Variants in ASB18 observed in about 807,000 individuals in gnomAD.
The protein encoded by ASB18 is ankyrin repeat and SOCS box containing 18.
Under a neutral mutation model 33.4 loss-of-function variants are expected in ASB18, and 33 were observed. That is an observed-to-expected ratio of 0.99 (90% CI 0.75 to 1.32). The LOEUF is 1.32. Ranked by LOEUF, ASB18 falls within the 40% of genes most tolerant of loss-of-function variation. ASB18 has a pLI of 0.00. For missense variants in ASB18, 694 were observed against 655.5 expected, an observed-to-expected ratio of 1.06 and a Z score of -0.64; for synonymous variants, 295 against 307.6, an observed-to-expected ratio of 0.96 and a Z score of 0.43.
rs190955207 is a variant in ASB18, at chr2:236,251,271, C to T, written c.206-9869G>A. On this transcript the variant is annotated intron_variant, in intron 1 of 5. Coordinates refer to ENST00000409749, the MANE Select transcript of ASB18 (RefSeq NM_212556.4). The surrounding 1 kb of genome is among the most constrained non-coding windows in gnomAD (Gnocchi z 5.3). ...CAAAACACAGCGGCCCAATCCTCAG[C>T]GTGCACAACCACGAGTAAATAGCCC... Among the ~76,000 whole-genome samples, 1 of 152,286 alleles carries T rather than the reference C, an allele frequency of 6.6e-6. No homozygotes were observed. The highest frequency in any genetic ancestry group is 6.5e-5 in the Admixed American group (1 of 15,290).
rs372151498 is a variant in ASB18 at position 236,264,354 on chromosome 2, C to T, written c.-9G>A. ...TAATCCGAGTTGGACATTGTTACGT[C>T]GTTTCTGCAGTGACCAGCCCTTCTT... On this transcript the variant is annotated 5_prime_UTR_variant, in exon 1 of 6. Coordinates refer to ENST00000409749, the MANE Select transcript of ASB18 (RefSeq NM_212556.4). This position sits in a 1 kb window ranked among gnomAD's most constrained non-coding sequence, Gnocchi z 5.1. 57 of 1,612,136 alleles carry T rather than the reference C, an allele frequency of 3.5e-5. No individual in the cohort carries two copies. Among genetic ancestry groups the T allele is most frequent in the Non-Finnish European group, 4.7e-5 (55 of 1,178,750 alleles).
chr2:236,236,395 C>T (rs1167151979), intron 3 of ASB18, among the ~76,000 whole-genome samples: 1 of 152,126 alleles, frequency 6.6e-6, no homozygotes, highest in Non-Finnish European at 1.5e-5. Context: ...GGAGGGAGAA[C>T]CGTGGGCACC....
rs1049919590 is a variant in ASB18 at position 236,234,114 on chromosome 2, T to A, written c.596+3575A>T. 6.6e-6 allele frequency among the ~76,000 whole-genome samples: 1 copy of A among 152,258 alleles called. No individual in the cohort carries two copies. Among genetic ancestry groups the A allele is most frequent in the Non-Finnish European group, 1.5e-5 (1 of 68,044 alleles). On this transcript the variant is annotated intron_variant, in intron 3 of 5. Coordinates refer to ENST00000409749, the MANE Select transcript of ASB18 (RefSeq NM_212556.4). The surrounding 1 kb of genome is among the most constrained non-coding windows in gnomAD (Gnocchi z 4.1). ...CTCTGCCATGGCACCTTGGTGACCC[T>A]GCACATATCCACATAGGCCACAAAG...
Position 236,194,639 on chromosome 2 carries a change from G to A in ASB18, c.*233C>T, listed in dbSNP as rs1441398216. Among the ~76,000 whole-genome samples, 2 of 152,168 alleles carry A rather than the reference G, an allele frequency of 1.3e-5. No homozygotes were observed. The highest frequency in any genetic ancestry group is 2.9e-5 in the Non-Finnish European group (2 of 68,040). Reference sequence around the variant, plus strand: ...CCAGACCAAGTGCTGTGATAGTCACGATTTCACTGGATTTTCACAAGCGAC... The same window carrying A: ...CCAGACCAAGTGCTGTGATAGTCACAATTTCACTGGATTTTCACAAGCGAC... On this transcript the variant is annotated 3_prime_UTR_variant, in exon 6 of 6. Coordinates refer to ENST00000409749, the MANE Select transcript of ASB18 (RefSeq NM_212556.4). This position sits in a 1 kb window ranked among gnomAD's most constrained non-coding sequence, Gnocchi z 4.5.
At position 236,215,117 on chromosome 2, in the gene ASB18, A is replaced by G. The variant is rs2060482064; in HGVS notation, c.597-251T>C. Among the ~76,000 whole-genome samples the G allele has an allele frequency of 1.3e-5, 2 of 152,036 alleles. No homozygotes were observed. Among genetic ancestry groups the G allele is most frequent in the Non-Finnish European group, 2.9e-5 (2 of 68,016 alleles). ...ATAAGAATCCACGTGCAGAGTTACAATTTATAAGGAAATTTTAACTGCTTG... is the reference window on the plus strand; with the variant it reads ...ATAAGAATCCACGTGCAGAGTTACAGTTTATAAGGAAATTTTAACTGCTTG... On this transcript the variant is annotated intron_variant, in intron 3 of 5. Transcript: ENST00000409749. The surrounding 1 kb of genome is among the most constrained non-coding windows in gnomAD (Gnocchi z 7.2).
chr2:236,214,748 G>A lies in ASB18; in HGVS notation c.715C>T (p.Leu239=), dbSNP rs2060478101. The A allele has an allele frequency of 1.3e-5, 15 of 1,173,090 alleles. No individual in the cohort carries two copies. Among genetic ancestry groups the A allele is most frequent in the Non-Finnish European group, 1.6e-5 (15 of 950,972 alleles). The allele number at this position is 1,173,090 out of a possible 1,614,324, so 72.7% of individuals were successfully genotyped here. A position where few individuals can be genotyped will look rare whatever the true frequency, so the allele number is the denominator to read the frequency against. The change falls in exon 4 of 6, where the codon CTG becomes TTG. Residue 239 remains leucine (L), a synonymous_variant. Coordinates refer to ENST00000409749, the MANE Select transcript of ASB18 (RefSeq NM_212556.4). The surrounding 1 kb of genome is among the most constrained non-coding windows in gnomAD (Gnocchi z 6.5). ...GCGTCCACGTGCGCCCCGCGGCCCA[G>A]GTACAGGCGCGCGTGCTCGTCCAGG... is the stretch of plus-strand genomic sequence containing the variant. ...RGLDEHARLY[L]GRGAHVDARN...
At position 236,221,793 on chromosome 2, in the gene ASB18, G is replaced by A. The variant is rs2060514088; in HGVS notation, c.597-6927C>T. Among the ~76,000 whole-genome samples the A allele has an allele frequency of 6.6e-6, 1 of 152,166 alleles. No individual in the cohort carries two copies. The highest frequency in any genetic ancestry group is 1.5e-5 in the Non-Finnish European group (1 of 68,036). ...GAATCCCTTCTGACAGACAGAAGGGGTTGAGCACTACACAGTGTGTTCAGT... is the reference window on the plus strand; with the variant it reads ...GAATCCCTTCTGACAGACAGAAGGGATTGAGCACTACACAGTGTGTTCAGT... On this transcript the variant is annotated intron_variant, in intron 3 of 5. Transcript: ENST00000409749. This position sits in a 1 kb window ranked among gnomAD's most constrained non-coding sequence, Gnocchi z 5.6.
chr2:236,217,702 T>C lies in ASB18; in HGVS notation c.597-2836A>G, dbSNP rs1205057571. On this transcript the variant is annotated intron_variant, in intron 3 of 5. Transcript: ENST00000409749. The surrounding 1 kb of genome is among the most constrained non-coding windows in gnomAD (Gnocchi z 5.2). Reference sequence around the variant, plus strand: ...TATATTTTTACCTAGAGGCTCTCAGTATTTTAAATTCTCCCTTTGGATTGT... The same window carrying C: ...TATATTTTTACCTAGAGGCTCTCAGCATTTTAAATTCTCCCTTTGGATTGT... Among the ~76,000 whole-genome samples the C allele has an allele frequency of 6.6e-6, 1 of 152,220 alleles. No individual in the cohort carries two copies. The highest frequency in any genetic ancestry group is 1.9e-4 in the East Asian group (1 of 5,198).
chr2:236,237,272 C>G lies in ASB18; in HGVS notation c.596+417G>C, dbSNP rs900778634. Among the ~76,000 whole-genome samples the G allele has an allele frequency of 2.0e-5, 3 of 151,920 alleles. No individual in the cohort carries two copies. Among genetic ancestry groups the G allele is most frequent in the African/African-American group, 4.8e-5 (2 of 41,430 alleles). On this transcript the variant is annotated intron_variant, in intron 3 of 5. Coordinates refer to ENST00000409749, the MANE Select transcript of ASB18 (RefSeq NM_212556.4). The surrounding 1 kb of genome is among the most constrained non-coding windows in gnomAD (Gnocchi z 6.2). ...GCGCCGGCGGCTGGGCTGTGATCAC[C>G]GCGCTCATTACCTCGGCGTGGCGCC...
chr2:236,240,078 A>T (rs964766580), intron 2 of ASB18, among the ~76,000 whole-genome samples: 6 of 152,230 alleles, frequency 3.9e-5, no homozygotes, highest in Non-Finnish European at 7.3e-5. Context: ...GGAAGGAGGA[A>T]ACTGATTTTG....
chr2:236,241,211 C>T lies in ASB18; in HGVS notation c.328+69G>A, dbSNP rs767846332. ...ACTGTGCCCAGTCTACACACGGGAG[C>T]CTTACACTCCCAGAGAGTATTAGTA... On this transcript the variant is annotated intron_variant, in intron 2 of 5. Transcript: ENST00000409749. This position sits in a 1 kb window ranked among gnomAD's most constrained non-coding sequence, Gnocchi z 4.2. 1 of 1,487,474 alleles carries T rather than the reference C, an allele frequency of 6.7e-7. No individual in the cohort carries two copies. The highest frequency in any genetic ancestry group is 1.4e-5 in the African/African-American group (1 of 72,510). 92.1% of individuals were successfully genotyped at this position (1,487,474 alleles called of 1,614,324 possible).
chr2:236,202,953 T>C (rs2060412638), intron 4 of ASB18, among the ~76,000 whole-genome samples: 1 of 151,960 alleles, frequency 6.6e-6, no homozygotes, highest in Admixed American at 6.6e-5. Context: ...TAGTTCCAGG[T>C]TGTCATTATT....
At chr2:236,210,455 C>G (rs567305426) in intron 4 of ASB18, 1 of 152,288 alleles carries the variant, frequency 6.6e-6, no homozygotes, top group Non-Finnish European at 1.5e-5. Flanking sequence ...TCTGGGAAAA[C>G]CGTGCGGGTC....
At position 236,251,570 on chromosome 2, in the gene ASB18, C is replaced by G. The variant is rs1193557148; in HGVS notation, c.206-10168G>C. Among the ~76,000 whole-genome samples the G allele has an allele frequency of 6.6e-6, 1 of 152,116 alleles. No individual in the cohort carries two copies. The highest frequency in any genetic ancestry group is 1.5e-5 in the Non-Finnish European group (1 of 68,030). ...ATCCCTTCTAGAAACGAGAAGTTTA[C>G]CTATCCTGAAGTTGAGAAGGGTGGT... On this transcript the variant is annotated intron_variant, in intron 1 of 5. Coordinates refer to ENST00000409749, the MANE Select transcript of ASB18 (RefSeq NM_212556.4). This position sits in a 1 kb window ranked among gnomAD's most constrained non-coding sequence, Gnocchi z 5.3.
At chr2:236,197,101 G>T (rs536877412) in intron 4 of ASB18, among the ~76,000 whole-genome samples, 142 of 151,844 alleles carry the variant, frequency 9.4e-4, no homozygotes, top group African/African-American at 3.4e-3. Flanking sequence ...GGTTGATCCT[G>T]CCCATCCACT....
At position 236,241,252 on chromosome 2, in the gene ASB18, ATGAC is replaced by A. The variant is rs1218031153; in HGVS notation, c.328+24_328+27del. Reference sequence around the variant, plus strand: ...AGTATTAGTAGCCCCTTAAAAATAAATGACTGAGCTTTAAAGAACAAGGGTACCT... The same window carrying A: ...AGTATTAGTAGCCCCTTAAAAATAAATGAGCTTTAAAGAACAAGGGTACCT... On this transcript the variant is annotated intron_variant, in intron 2 of 5. Coordinates refer to ENST00000409749, the MANE Select transcript of ASB18 (RefSeq NM_212556.4). The surrounding 1 kb of genome is among the most constrained non-coding windows in gnomAD (Gnocchi z 4.2). The A allele has an allele frequency of 1.2e-6, 2 of 1,611,760 alleles. No individual in the cohort carries two copies.
rs2060622353 is a variant in ASB18 at position 236,241,793 on chromosome 2, T to A, written c.206-391A>T. Among the ~76,000 whole-genome samples the A allele has an allele frequency of 6.6e-6, 1 of 152,102 alleles. No individual in the cohort carries two copies. Among genetic ancestry groups the A allele is most frequent in the African/African-American group, 2.4e-5 (1 of 41,416 alleles). ...CACATCTGGATAGCTCCAAAGCAGC[T>A]CTCCATGCACCGAGGGCAGACTCCC... On this transcript the variant is annotated intron_variant, in intron 1 of 5. Coordinates refer to ENST00000409749, the MANE Select transcript of ASB18 (RefSeq NM_212556.4). The surrounding 1 kb of genome is among the most constrained non-coding windows in gnomAD (Gnocchi z 4.2).
Position 236,242,129 on chromosome 2 carries a change from A to T in ASB18, c.206-727T>A, listed in dbSNP as rs576108139. Among the ~76,000 whole-genome samples, 33 of 152,322 alleles carry T rather than the reference A, an allele frequency of 2.2e-4. No individual in the cohort carries two copies. The South Asian group carries it at 5.0e-3, about 23-fold the overall frequency. On this transcript the variant is annotated intron_variant, in intron 1 of 5. Transcript: ENST00000409749. ...TTTCTTTACTCCCAATAACAACCAC[A>T]TGAAGGAAATAGCATGGCCACGGCC...
At position 236,196,091 on chromosome 2, in the gene ASB18, G is replaced by A; in HGVS notation, c.1215+181C>T. ...CCGCAACTACTATAACAAGCTCCTG[G>A]CTGTGTGATTATGGAGCCTCCAGAA... is the stretch of plus-strand genomic sequence containing the variant. On this transcript the variant is annotated intron_variant, in intron 5 of 5. Coordinates refer to ENST00000409749, the MANE Select transcript of ASB18 (RefSeq NM_212556.4). This position sits in a 1 kb window ranked among gnomAD's most constrained non-coding sequence, Gnocchi z 5.6. The A allele has an allele frequency of 3.1e-6, 2 of 638,374 alleles. No homozygotes were observed. Among genetic ancestry groups the A allele is most frequent in the Middle Eastern group, 5.2e-4 (2 of 3,832 alleles). The allele number at this position is 638,374 out of a possible 1,614,324, so 39.5% of individuals were successfully genotyped here. A position where few individuals can be genotyped will look rare whatever the true frequency, so the allele number is the denominator to read the frequency against.
Sources: allele counts gnomAD v4.1 joint callset (sites outside exome capture counted in the v4.1 genomes callset), GRCh38; gene constraint gnomAD v4.1.1; non-coding constraint Gnocchi (gnomAD v3.1); transcripts MANE v1.5; gene names NCBI Gene and HGNC (gene_info 2026-07-23, HGNC 2026-07-21).